Variants in ERC1 observed in about 807,000 individuals in gnomAD.
ERC1 encodes ELKS/RAB6-interacting/CAST family member 1, also known as RAB6 interacting protein 2.
ERC1 carries 56 observed loss-of-function variants against 132.0 expected under a neutral mutation model. The ratio of observed to expected loss-of-function variants is 0.42; its 90% confidence interval spans 0.34 to 0.53. The LOEUF (loss-of-function observed/expected upper bound fraction) is 0.53, where lower values mean the gene tolerates loss of function less well. ERC1 is among the 20% of genes least tolerant of loss of function. The pLI is 0.03. For synonymous variants in ERC1, 478 were observed against 476.1 expected, an observed-to-expected ratio of 1.00 and a Z score of -0.05; for missense variants, 1,202 against 1,349.9, an observed-to-expected ratio of 0.89 and a Z score of 1.72.
chr12:1,249,125 C>A (rs2154313928), intron 13 of ERC1, among the ~76,000 whole-genome samples: 1 of 152,230 alleles, frequency 6.6e-6, no homozygotes, highest in African/African-American at 2.4e-5. Context: ...CTCCTGGCCT[C>A]AAGCAGTCCT....
intron 7 of ERC1, among the ~76,000 whole-genome samples, chr12:1,122,235 ATCTGTG>A (rs1593463548): frequency 8.0e-4 from 31 of 38,768 alleles, no homozygotes; most frequent in African/African-American, 2.2e-3. Context: ...CTCTATCTCT[ATCTGTG>A]TCTCTATCTC....
chr12:1,401,937 CAA>C (rs1322033552), intron 16 of ERC1, among the ~76,000 whole-genome samples: 1 of 151,858 alleles, frequency 6.6e-6, no homozygotes, highest in Non-Finnish European at 1.5e-5. Flanking sequence ...TTGAAAATAT[CAA>C]AGAGAGATTA....
intron 2 of ERC1, among the ~76,000 whole-genome samples, chr12:1,075,558 G>A (rs937067447): frequency 1.3e-5 from 2 of 152,082 alleles, no homozygotes; most frequent in African/African-American, 2.4e-5. Flanking sequence ...AGGCGTGGTG[G>A]TGCTCACCTG....
At chr12:1,437,452 C>T (rs913613694) in intron 17 of ERC1, among the ~76,000 whole-genome samples, 4 of 152,170 alleles carry the variant, frequency 2.6e-5, no homozygotes, top group Non-Finnish European at 4.4e-5. Context: ...TCTTGACATC[C>T]TTTTGTAGCA....
At chr12:1,362,448 GTCTCTCTCTCTCTC>G (rs750785449) in intron 15 of ERC1, among the ~76,000 whole-genome samples, 1 of 144,804 alleles carries the variant, frequency 6.9e-6, no homozygotes, top group South Asian at 2.1e-4. Context: ...CTCTCTCTCT[GTCTCTCTCTCTCTC>G]TCTCTCTGTC....
intron 15 of ERC1, among the ~76,000 whole-genome samples, chr12:1,332,246 C>G (rs1210483920): frequency 2.0e-5 from 3 of 152,132 alleles, no homozygotes; most frequent in Non-Finnish European, 4.4e-5. Flanking sequence ...AACTTTCTTA[C>G]AATTGGAATG....
intron 15 of ERC1, among the ~76,000 whole-genome samples, chr12:1,364,677 G>C (rs1294410932): frequency 6.6e-6 from 1 of 152,184 alleles, no homozygotes; most frequent in Non-Finnish European, 1.5e-5. Context: ...AGCCTGAGGT[G>C]ATTTCTCTCT....
chr12:1,280,119 G>A (rs1235398913), intron 14 of ERC1, among the ~76,000 whole-genome samples: 1 of 152,140 alleles, frequency 6.6e-6, no homozygotes, highest in African/African-American at 2.4e-5. Flanking sequence ...ATGAGTTCTT[G>A]GGGTGTTTGG....
chr12:1,062,823 A>T (rs1167150084), intron 2 of ERC1, among the ~76,000 whole-genome samples: 1 of 152,188 alleles, frequency 6.6e-6, no homozygotes, highest in Non-Finnish European at 1.5e-5. Context: ...GTCCGCAATT[A>T]TTCTTATATT....
In ERC1 at chr12:1,494,319, TGAACCACTCAAA is replaced by T; in HGVS notation, c.*4091_*4102del. 4.3e-6 allele frequency: 1 copy of T among 231,458 alleles called. No homozygotes were observed. The highest frequency in any genetic ancestry group is 8.6e-6 in the Non-Finnish European group (1 of 116,950). The allele number at this position is 231,458 out of a possible 1,614,324, so 14.3% of individuals were successfully genotyped here. A position where few individuals can be genotyped will look rare whatever the true frequency, so the allele number is the denominator to read the frequency against. On this transcript the variant is annotated 3_prime_UTR_variant, in exon 19 of 19. Transcript: ENST00000360905. ...GCCCTGGGCTGCTCAGGAGGGGACG[TGAACCACTCAAA>T]GGAATGTCTTAAAGAGGATCTGGAG...
intron 15 of ERC1, among the ~76,000 whole-genome samples, chr12:1,324,494 C>A (rs1334060602): frequency 1.3e-5 from 2 of 152,128 alleles, no homozygotes; most frequent in Non-Finnish European, 2.9e-5. Flanking sequence ...TATTTTATTT[C>A]TCTCAACGTA....
At chr12:1,038,396 C>CT (rs2154157270) in intron 2 of ERC1, among the ~76,000 whole-genome samples, 1 of 151,542 alleles carries the variant, frequency 6.6e-6, no homozygotes, top group East Asian at 1.9e-4. Context: ...GAGTCTCGCT[C>CT]TGTTGCCCAG....
intron 16 of ERC1, among the ~76,000 whole-genome samples, chr12:1,400,908 A>ATTTTTTTTTTTTTTTTTTTTTTTTTTTT (rs2090967822): frequency 4.6e-5 from 2 of 43,400 alleles, no homozygotes; most frequent in Non-Finnish European, 5.6e-5. Context: ...TGTTTTGGCT[A>ATTTTTTTTTTTTTTTTTTTTTTTTTTTT]TTTTTGTATT....
intron 18 of ERC1, among the ~76,000 whole-genome samples, chr12:1,482,613 A>T (rs1407980009): frequency 6.6e-6 from 1 of 151,764 alleles, no homozygotes; most frequent in Non-Finnish European, 1.5e-5. Context: ...CGCCCGGCTA[A>T]TTTTTTTGTA....
At chr12:1,316,484 A>G (rs2081735577) in intron 15 of ERC1, among the ~76,000 whole-genome samples, 2 of 152,176 alleles carry the variant, frequency 1.3e-5, no homozygotes, top group South Asian at 2.1e-4. Context: ...TTATTATTAT[A>G]AGAAACCAAT....
At chr12:1,121,301 T>C (rs1947056360) in intron 7 of ERC1, among the ~76,000 whole-genome samples, 1 of 152,252 alleles carries the variant, frequency 6.6e-6, no homozygotes, top group Non-Finnish European at 1.5e-5. Flanking sequence ...CCTATACAAC[T>C]ACTTGGTATT....
chr12:1,433,390 C>T (rs772365242), intron 17 of ERC1, among the ~76,000 whole-genome samples: 34 of 152,130 alleles, frequency 2.2e-4, no homozygotes, highest in Non-Finnish European at 4.3e-4. Flanking sequence ...TTTTAAGTAG[C>T]GTGTTAACCT....
At chr12:1,347,545 G>A (rs534640963) in intron 15 of ERC1, among the ~76,000 whole-genome samples, 120 of 152,272 alleles carry the variant, frequency 7.9e-4, no homozygotes, top group Non-Finnish European at 1.1e-3. Flanking sequence ...GAGAAAATCT[G>A]TAGAACTCAG....
chr12:1,494,690 AC>A lies in ERC1; in HGVS notation c.*4462del, dbSNP rs2094345454. The A allele has an allele frequency of 4.3e-6, 1 of 230,104 alleles. No homozygotes were observed. The highest frequency in any genetic ancestry group is 5.7e-5 in the Admixed American group (1 of 17,612). 14.3% of individuals were successfully genotyped at this position (230,104 alleles called of 1,614,324 possible). A position where few individuals can be genotyped will look rare whatever the true frequency, so the allele number is the denominator to read the frequency against. On this transcript the variant is annotated 3_prime_UTR_variant, in exon 19 of 19. Transcript: ENST00000360905. ...GGGGAGCGGGTTTTTGTCCCATCCC[AC>A]CTCCTCTCTTCTTTCTCTGCTTGTC...
Sources: allele counts gnomAD v4.1 joint callset (sites outside exome capture counted in the v4.1 genomes callset), GRCh38; gene constraint gnomAD v4.1.1; transcripts MANE v1.5; gene names NCBI Gene and HGNC (gene_info 2026-07-23, HGNC 2026-07-21).